Variants in TRPC4AP observed in about 807,000 individuals in gnomAD.
TRPC4AP encodes the protein short transient receptor potential channel 4-associated protein.
TRPC4AP carries 45 observed loss-of-function variants against 99.0 expected under a neutral mutation model. That is an observed-to-expected ratio of 0.45 (90% confidence interval 0.36 to 0.58). TRPC4AP has a LOEUF of 0.58. TRPC4AP is among the 20% of genes least tolerant of loss of function. The pLI, the probability that TRPC4AP is intolerant of heterozygous loss-of-function variation, is 0.00. For synonymous variants in TRPC4AP, 408 were observed against 385.8 expected (o/e 1.06, Z -0.67); for missense variants, 879 against 985.3 (o/e 0.89, Z 1.44).
intron 15 of TRPC4AP, 43 bp downstream of exon 15, chr20:35,006,392 T>A: frequency 6.3e-7 from 1 of 1,599,292 alleles, no homozygotes; most frequent in Non-Finnish European, 8.6e-7. Flanking sequence ...GGTGAACTTC[T>A]GGACAACCCA....
At chr20:35,087,281 G>A (rs964445905) in intron 1 of TRPC4AP, among the ~76,000 whole-genome samples, 1 of 150,018 alleles carries the variant, frequency 6.7e-6, no homozygotes, top group African/African-American at 2.5e-5. Flanking sequence ...GGAGCTTGCA[G>A]TGAGCTGAGA....
At chr20:35,075,679 C>G (rs529687101) in intron 2 of TRPC4AP, among the ~76,000 whole-genome samples, 1 of 152,318 alleles carries the variant, frequency 6.6e-6, no homozygotes, top group South Asian at 2.1e-4. Context: ...TTCTCTCTGG[C>G]TGCCCTTAAT....
intron 5 of TRPC4AP, among the ~76,000 whole-genome samples, chr20:35,051,323 G>C (rs1365771903): frequency 6.6e-6 from 1 of 152,078 alleles, no homozygotes; most frequent in East Asian, 1.9e-4. Flanking sequence ...TTTAGAGACA[G>C]GGTCTCACTC....
chr20:35,019,971 G>A (rs922636845), intron 9 of TRPC4AP, among the ~76,000 whole-genome samples: 1 of 152,068 alleles, frequency 6.6e-6, no homozygotes, highest in Non-Finnish European at 1.5e-5. Context: ...CCCTAAGCCT[G>A]CTCCTCCACC....
At chr20:35,080,379 T>G (rs1158434021) in intron 1 of TRPC4AP, among the ~76,000 whole-genome samples, 1 of 151,644 alleles carries the variant, frequency 6.6e-6, no homozygotes, top group African/African-American at 2.4e-5. Context: ...CACATGCCTG[T>G]AGTCCCAGCT....
At chr20:35,028,797 C>T (rs1425914727) in intron 8 of TRPC4AP, among the ~76,000 whole-genome samples, 1 of 152,220 alleles carries the variant, frequency 6.6e-6, no homozygotes, top group Non-Finnish European at 1.5e-5. Flanking sequence ...TTTTGAACTA[C>T]TGCTCTCTTC....
chr20:35,051,034 A>T (rs1427739354), intron 5 of TRPC4AP, among the ~76,000 whole-genome samples: 2 of 12,720 alleles, frequency 1.6e-4, no homozygotes, highest in Admixed American at 7.7e-4. Context: ...GCTATAGCTT[A>T]CACACACACA....
At chr20:35,038,289 T>TA (rs745638986) in intron 7 of TRPC4AP, among the ~76,000 whole-genome samples, 2 of 150,986 alleles carry the variant, frequency 1.3e-5, no homozygotes, top group African/African-American at 2.4e-5. Context: ...TTTTTTTTTT[T>TA]AACATATCAG....
intron 4 of TRPC4AP, among the ~76,000 whole-genome samples, chr20:35,055,389 TTA>T (rs1423765196): frequency 6.6e-6 from 1 of 152,230 alleles, no homozygotes; most frequent in African/African-American, 2.4e-5. Flanking sequence ...TTTTGGCTAT[TTA>T]AGTAGACCAC....
At position 35,008,672 on chromosome 20, in the gene TRPC4AP, C is replaced by T. The variant is rs564616218; in HGVS notation, c.1587G>A (p.Ser529=). The change falls in exon 13 of 19, where the codon TCG becomes TCA. Residue 529 remains serine, a synonymous_variant. Coordinates refer to ENST00000252015, the MANE Select transcript of TRPC4AP (RefSeq NM_015638.3). ...LQVMKKEPAE[S]SFRFWQARAV... ...CTTTTCCCCAGACTCACCTGAAAGA[C>T]GACTCTGCTGGCTCCTTCTTCATGA... The T allele has an allele frequency of 4.3e-6, 7 of 1,613,546 alleles. No homozygotes were observed. Among genetic ancestry groups the T allele is most frequent in the Admixed American group, 1.7e-5 (1 of 59,926 alleles).
chr20:35,023,020 G>A (rs1336874084), intron 8 of TRPC4AP, among the ~76,000 whole-genome samples: 1 of 103,228 alleles, frequency 9.7e-6, no homozygotes, highest in Non-Finnish European at 2.2e-5. Flanking sequence ...GAGCTGGACT[G>A]TCTCAAAAAA....
At chr20:35,028,839 T>G (rs533214614) in intron 8 of TRPC4AP, among the ~76,000 whole-genome samples, 8 of 152,366 alleles carry the variant, frequency 5.3e-5, no homozygotes, top group East Asian at 1.9e-4. Flanking sequence ...ATGTATTTTT[T>G]GGGGGCTGTT....
chr20:35,030,032 A>G (rs6120800), intron 8 of TRPC4AP, among the ~76,000 whole-genome samples: 147,926 of 147,946 alleles, frequency 1, 73,953 homozygotes, highest in Middle Eastern at 1. Context: ...ACCTGAGGTC[A>G]GGAGATCGAG....
chr20:35,029,368 T>C (rs1028750277), intron 8 of TRPC4AP, among the ~76,000 whole-genome samples: 7 of 152,222 alleles, frequency 4.6e-5, no homozygotes, highest in East Asian at 1.9e-4. Context: ...GTGTTTTCTA[T>C]AGGCTGCATA....
intron 1 of TRPC4AP, among the ~76,000 whole-genome samples, chr20:35,088,921 G>A (rs1187338131): frequency 6.6e-6 from 1 of 152,082 alleles, no homozygotes; most frequent in African/African-American, 2.4e-5. Flanking sequence ...TGGTTACCAA[G>A]GACTGGGAGG....
chr20:35,056,854 T>A lies in TRPC4AP; in HGVS notation c.472+660A>T, dbSNP rs190171564. On this transcript the variant is annotated intron_variant, in intron 4 of 18. Coordinates refer to ENST00000252015, the MANE Select transcript of TRPC4AP (RefSeq NM_015638.3). ...TACAAAAATTAGCCGGGTATGGTGGTGGGCGCCTGTAATCCCAGCTACTTG... is the reference window on the plus strand; with the variant it reads ...TACAAAAATTAGCCGGGTATGGTGGAGGGCGCCTGTAATCCCAGCTACTTG... Among the ~76,000 whole-genome samples the A allele has an allele frequency of 7.3e-3, 1,107 of 150,884 alleles. 11 individuals are homozygous for A. Among genetic ancestry groups the A allele is most frequent in the African/African-American group, 0.024 (980 of 41,130 alleles).
chr20:35,024,835 A>C (rs7362221), intron 8 of TRPC4AP, among the ~76,000 whole-genome samples: 19 of 111,944 alleles, frequency 1.7e-4, no homozygotes, highest in East Asian at 1.5e-3. Flanking sequence ...CAAAAAAAAA[A>C]AAAAAAAAAA....
intron 3 of TRPC4AP, among the ~76,000 whole-genome samples, chr20:35,065,611 A>G (rs895324318): frequency 2.0e-5 from 3 of 152,232 alleles, no homozygotes; most frequent in African/African-American, 7.2e-5. Flanking sequence ...AAATGCACCC[A>G]AACTGAAGGT....
chr20:35,091,050 A>AT lies in TRPC4AP; in HGVS notation c.168+1563dup, dbSNP rs796861590. Among the ~76,000 whole-genome samples, 1,168 of 143,214 alleles carry AT rather than the reference A, an allele frequency of 8.2e-3. 3 individuals carry two copies. Among genetic ancestry groups the AT allele is most frequent in the Middle Eastern group, 0.018 (5 of 284 alleles). 94.0% of individuals were successfully genotyped at this position (143,214 alleles called of 152,430 possible). A position where few individuals can be genotyped will look rare whatever the true frequency, so the allele number is the denominator to read the frequency against. On this transcript the variant is annotated intron_variant, in intron 1 of 18. Coordinates refer to ENST00000252015, the MANE Select transcript of TRPC4AP (RefSeq NM_015638.3). ...GAAGGAAAGAGCAAGTATTTCTAGG[A>AT]TTTTTTTTTTTTTTTGAGACAGGGT... is the stretch of plus-strand genomic sequence containing the variant.
Sources: gnomAD v4.1 joint callset for allele counts (sites outside exome capture counted in the v4.1 genomes callset) on GRCh38, gnomAD v4.1.1 for gene constraint, MANE v1.5 for transcripts, NCBI Gene and HGNC (gene_info 2026-07-23, HGNC 2026-07-21) for gene names.